KCNJ6: variants seen among roughly 807,000 people sequenced by gnomAD.
The protein encoded by KCNJ6 is G protein-activated inward rectifier potassium channel 2.
KCNJ6 carries 9 observed loss-of-function variants against 34.2 expected under a neutral mutation model. The ratio of observed to expected loss-of-function variants is 0.26; its 90% confidence interval spans 0.16 to 0.46. KCNJ6 has a LOEUF of 0.46. KCNJ6 is among the 20% of genes least tolerant of loss of function. The probability of loss-of-function intolerance (pLI) is 1.00; values close to 1 mark genes in which losing one functional copy is unlikely to be tolerated. For synonymous variants in KCNJ6, 196 were observed against 207.1 expected, an observed-to-expected ratio of 0.95 and a Z score of 0.46; for missense variants, 236 against 531.3, an observed-to-expected ratio of 0.44 and a Z score of 5.46.
At chr21:37,906,373 T>A (rs555581438) in intron 1 of KCNJ6, among the ~76,000 whole-genome samples, 92 of 152,302 alleles carry the variant, frequency 6.0e-4, no homozygotes, top group Middle Eastern at 3.4e-3. Flanking sequence ...CTTGGAGGTC[T>A]CTATCGTGGG....
intron 1 of KCNJ6, among the ~76,000 whole-genome samples, chr21:37,905,220 T>C (rs902540798): frequency 2.0e-5 from 3 of 152,234 alleles, no homozygotes; most frequent in African/African-American, 4.8e-5. Context: ...TGCTTAGGGC[T>C]TCTTGCCTTC....
chr21:37,614,378 G>GTATC lies in KCNJ6; in HGVS notation c.*10780_*10781insGATA, dbSNP rs2054253668. The GTATC allele has an allele frequency of 6.6e-6, 1 of 150,492 alleles. No homozygotes were observed. 9.3% of individuals were successfully genotyped at this position (150,492 alleles called of 1,614,324 possible). ...GATAAGAGTGTGTGTGTGTGTGTGT[G>GTATC]TGTGTATATCTGTGTGTGCGTATGC... On this transcript the variant is annotated 3_prime_UTR_variant, in exon 4 of 4. Transcript: ENST00000609713.
chr21:37,653,959 C>T (rs1266002079), intron 3 of KCNJ6, among the ~76,000 whole-genome samples: 2 of 152,118 alleles, frequency 1.3e-5, no homozygotes, highest in Non-Finnish European at 2.9e-5. Context: ...ACTCCAGGAC[C>T]CTACGGTGGC....
At chr21:37,827,374 G>GT (rs1416557728) in intron 2 of KCNJ6, among the ~76,000 whole-genome samples, 2 of 152,208 alleles carry the variant, frequency 1.3e-5, no homozygotes, top group Non-Finnish European at 2.9e-5. Context: ...GATTTCAGGT[G>GT]TAAGGTGCAG....
chr21:37,851,438 A>G (rs2055536839), intron 1 of KCNJ6, among the ~76,000 whole-genome samples: 1 of 152,254 alleles, frequency 6.6e-6, no homozygotes, highest in East Asian at 1.9e-4. Context: ...ATTCAATTTT[A>G]TAACCAAATG....
intron 2 of KCNJ6, among the ~76,000 whole-genome samples, chr21:37,779,858 T>C (rs1213415996): frequency 6.6e-6 from 1 of 152,168 alleles, no homozygotes; most frequent in Non-Finnish European, 1.5e-5. Flanking sequence ...AATGCAACAG[T>C]GTATGTCTCT....
intron 2 of KCNJ6, among the ~76,000 whole-genome samples, chr21:37,802,710 T>C (rs1601478982): frequency 6.6e-6 from 1 of 152,130 alleles, no homozygotes; most frequent in African/African-American, 2.4e-5. Context: ...CTGTAACAAA[T>C]TGTTACAAAT....
chr21:37,838,495 T>TC (rs2055463156), intron 2 of KCNJ6, among the ~76,000 whole-genome samples: 1 of 152,206 alleles, frequency 6.6e-6, no homozygotes, highest in African/African-American at 2.4e-5. Flanking sequence ...CACCTGAGAC[T>TC]CCATTCATGG....
intron 3 of KCNJ6, among the ~76,000 whole-genome samples, chr21:37,674,786 T>A (rs1464643187): frequency 6.6e-6 from 1 of 152,040 alleles, no homozygotes. Flanking sequence ...GTTTAGTCTT[T>A]CTCTGCTCAC....
chr21:37,860,714 C>A (rs540544076), intron 1 of KCNJ6, among the ~76,000 whole-genome samples: 1 of 152,140 alleles, frequency 6.6e-6, no homozygotes, highest in Non-Finnish European at 1.5e-5. Context: ...CCACTACCCC[C>A]CTGGAGTGGC....
chr21:37,849,490 C>T (rs2055527002), intron 1 of KCNJ6, among the ~76,000 whole-genome samples: 1 of 152,234 alleles, frequency 6.6e-6, no homozygotes, highest in East Asian at 1.9e-4. Flanking sequence ...TTTACTTTTC[C>T]AGGTTGCCCA....
intron 3 of KCNJ6, among the ~76,000 whole-genome samples, chr21:37,645,297 C>T (rs1431526298): frequency 4.0e-5 from 6 of 151,868 alleles, no homozygotes; most frequent in Non-Finnish European, 5.9e-5. Context: ...CCCCAGAGGT[C>T]GAGGCTGTGG....
intron 3 of KCNJ6, among the ~76,000 whole-genome samples, chr21:37,669,601 G>A (rs2054532882): frequency 1.3e-5 from 2 of 151,826 alleles, no homozygotes; most frequent in African/African-American, 2.4e-5. Context: ...GTGTGTGTGT[G>A]TGAATGTGCA....
chr21:37,753,941 C>G (rs910878543), intron 2 of KCNJ6, among the ~76,000 whole-genome samples: 2 of 152,192 alleles, frequency 1.3e-5, no homozygotes, highest in African/African-American at 4.8e-5. Flanking sequence ...CAAGGCTGGG[C>G]CCTTGAGCAT....
At chr21:37,812,747 T>A (rs1220125870) in intron 2 of KCNJ6, among the ~76,000 whole-genome samples, 1 of 151,996 alleles carries the variant, frequency 6.6e-6, no homozygotes, top group Non-Finnish European at 1.5e-5. Context: ...AAAAACTGAG[T>A]ATAGAAGAAA....
chr21:37,791,372 T>TC (rs1011059138), intron 2 of KCNJ6, among the ~76,000 whole-genome samples: 5 of 152,170 alleles, frequency 3.3e-5, no homozygotes, highest in African/African-American at 1.2e-4. Flanking sequence ...CATCTGACTA[T>TC]CCCCCGTCAC....
intron 3 of KCNJ6, among the ~76,000 whole-genome samples, chr21:37,685,239 C>G (rs917071192): frequency 6.6e-6 from 1 of 151,992 alleles, no homozygotes; most frequent in African/African-American, 2.4e-5. Flanking sequence ...TTGTTTCTAC[C>G]CAGTGTGGAT....
chr21:37,835,441 G>A (rs1568866045), intron 2 of KCNJ6, among the ~76,000 whole-genome samples: 1 of 152,216 alleles, frequency 6.6e-6, no homozygotes, highest in Non-Finnish European at 1.5e-5. Flanking sequence ...TTCCTGCGCT[G>A]TATTTGATGC....
intron 3 of KCNJ6, among the ~76,000 whole-genome samples, chr21:37,696,908 C>G (rs1048599339): frequency 6.6e-6 from 1 of 152,192 alleles, no homozygotes; most frequent in Non-Finnish European, 1.5e-5. Flanking sequence ...CTGCCCCTAG[C>G]TCCTGAGGTA....
Sources: gnomAD v4.1 joint callset for allele counts (sites outside exome capture counted in the v4.1 genomes callset) on GRCh38, gnomAD v4.1.1 for gene constraint, MANE v1.5 for transcripts, NCBI Gene and HGNC (gene_info 2026-07-23, HGNC 2026-07-21) for gene names.